Variants in TAFA4 observed in about 807,000 individuals in gnomAD.
TAFA4 encodes the protein chemokine-like protein TAFA-4.
Under a neutral mutation model 21.1 loss-of-function variants are expected in TAFA4, and 20 were observed. The observed-to-expected ratio is 0.95, with a 90% CI of 0.67 to 1.38. The LOEUF (loss-of-function observed/expected upper bound fraction) is 1.38, where lower values mean the gene tolerates loss of function less well. TAFA4 is among the 40% of genes most tolerant of loss of function. The pLI is 0.00. For synonymous variants in TAFA4, 71 were observed against 67.4 expected (o/e 1.05, Z -0.26); for missense variants, 211 against 180.9 (o/e 1.17, Z -0.95).
intron 3 of TAFA4, among the ~76,000 whole-genome samples, chr3:68,770,752 C>T (rs528082346): frequency 2.6e-5 from 4 of 152,270 alleles, no homozygotes; most frequent in Admixed American, 2.6e-4. Context: ...CCATCTCTTA[C>T]TGATACAGGA....
intron 1 of TAFA4, among the ~76,000 whole-genome samples, chr3:68,918,760 C>T (rs2090029720): frequency 6.6e-6 from 1 of 152,142 alleles, no homozygotes; most frequent in Non-Finnish European, 1.5e-5. Flanking sequence ...AGATTGGTCT[C>T]GAACTTCTGG....
chr3:68,766,593 T>C (rs1210523416), intron 3 of TAFA4, among the ~76,000 whole-genome samples: 1 of 146,634 alleles, frequency 6.8e-6, no homozygotes, highest in East Asian at 1.9e-4. Context: ...GATAAAGAGA[T>C]GAAAATTATG....
chr3:68,799,559 A>G (rs1703527000), intron 3 of TAFA4, among the ~76,000 whole-genome samples: 1 of 152,206 alleles, frequency 6.6e-6, no homozygotes, highest in South Asian at 2.1e-4. Context: ...CAAGGAGCCA[A>G]AAATGGGGAA....
rs149241915 is a variant in TAFA4, at chr3:68,842,501, C to T, written c.130+38229G>A. ...TCTCCCATTCTGTAGGTTGCCTATTCACTCTGATGATAGTTTCCTTTCCTG... is the reference window on the plus strand; with the variant it reads ...TCTCCCATTCTGTAGGTTGCCTATTTACTCTGATGATAGTTTCCTTTCCTG... On this transcript the variant is annotated intron_variant, in intron 3 of 5. Transcript: ENST00000295569. Among the ~76,000 whole-genome samples the T allele has an allele frequency of 3.8e-3, 574 of 152,272 alleles. 3 individuals are homozygous for T. The highest frequency in any genetic ancestry group is 0.013 in the African/African-American group (549 of 41,554).
chr3:68,823,518 G>A (rs977576099), intron 3 of TAFA4, among the ~76,000 whole-genome samples: 26 of 152,140 alleles, frequency 1.7e-4, no homozygotes, highest in African/African-American at 6.3e-4. Flanking sequence ...CATGTGCCCT[G>A]GTGGTTCACT....
chr3:68,827,034 C>G (rs1704255273), intron 3 of TAFA4, among the ~76,000 whole-genome samples: 1 of 143,066 alleles, frequency 7.0e-6, no homozygotes, highest in Non-Finnish European at 1.5e-5. Context: ...ATCCCTCCCC[C>G]AGCCCCCCAC....
intron 4 of TAFA4, among the ~76,000 whole-genome samples, chr3:68,741,962 A>T (rs150580756): frequency 6.6e-6 from 1 of 152,304 alleles, no homozygotes; most frequent in East Asian, 1.9e-4. Flanking sequence ...ATAAACATAC[A>T]TCAAAAATCC....
At chr3:68,856,456 T>C (rs1705071973) in intron 3 of TAFA4, among the ~76,000 whole-genome samples, 1 of 152,134 alleles carries the variant, frequency 6.6e-6, no homozygotes, top group Non-Finnish European at 1.5e-5. Flanking sequence ...TCCCAAACGC[T>C]TTACCTATTC....
intron 3 of TAFA4, among the ~76,000 whole-genome samples, chr3:68,794,012 C>T (rs1272106745): frequency 1.3e-5 from 2 of 152,220 alleles, no homozygotes; most frequent in East Asian, 3.8e-4. Context: ...TAAACATCTT[C>T]TATTCCCTGA....
intron 3 of TAFA4, among the ~76,000 whole-genome samples, chr3:68,843,449 C>T (rs1026428000): frequency 2.0e-5 from 3 of 152,168 alleles, no homozygotes; most frequent in African/African-American, 7.2e-5. Context: ...TCTAAATAGA[C>T]AATCATGTCA....
At chr3:68,804,044 TC>T (rs1224358415) in intron 3 of TAFA4, among the ~76,000 whole-genome samples, 2 of 151,940 alleles carry the variant, frequency 1.3e-5, no homozygotes, top group Non-Finnish European at 2.9e-5. Flanking sequence ...TGCCTCAGCC[TC>T]CCAAAGTGCT....
At chr3:68,792,482 G>A (rs527687946) in intron 3 of TAFA4, among the ~76,000 whole-genome samples, 8 of 152,060 alleles carry the variant, frequency 5.3e-5, no homozygotes, top group Middle Eastern at 3.4e-3. Context: ...TTAGCATGCC[G>A]CACAGTTTGC....
chr3:68,815,565 GTTCA>G (rs1703955908), intron 3 of TAFA4, among the ~76,000 whole-genome samples: 1 of 152,176 alleles, frequency 6.6e-6, no homozygotes. Context: ...ATGAAAAAAT[GTTCA>G]TTATCACTGG....
At chr3:68,839,554 A>G (rs1459993311) in intron 3 of TAFA4, among the ~76,000 whole-genome samples, 1 of 152,244 alleles carries the variant, frequency 6.6e-6, no homozygotes, top group African/African-American at 2.4e-5. Flanking sequence ...AAAAGTCAGC[A>G]TCTTCTCAAA....
chr3:68,798,976 T>C lies in TAFA4; in HGVS notation c.131-45958A>G, dbSNP rs138384419. ...AAGGAAACTGCAATCTGTTTTATTG[T>C]AGTCCTGGTTTGTTTTATGTTAAAA... is the stretch of plus-strand genomic sequence containing the variant. On this transcript the variant is annotated intron_variant, in intron 3 of 5. Transcript: ENST00000295569. 2.6e-5 allele frequency among the ~76,000 whole-genome samples: 4 copies of C among 152,328 alleles called. No homozygotes were observed. In the East Asian group the frequency reaches 7.7e-4, roughly 29 times the overall value.
intron 3 of TAFA4, among the ~76,000 whole-genome samples, chr3:68,754,252 A>C (rs946432030): frequency 2.6e-5 from 4 of 152,224 alleles, no homozygotes; most frequent in Admixed American, 1.3e-4. Context: ...AAATTTTGCC[A>C]ATGTCCCAAT....
At chr3:68,834,412 C>G (rs1704473962) in intron 3 of TAFA4, among the ~76,000 whole-genome samples, 1 of 152,116 alleles carries the variant, frequency 6.6e-6, no homozygotes, top group South Asian at 2.1e-4. Flanking sequence ...GTTGTAAACT[C>G]AGATATAGAA....
chr3:68,741,799 A>T (rs1323140267), intron 4 of TAFA4, among the ~76,000 whole-genome samples: 2 of 150,248 alleles, frequency 1.3e-5, no homozygotes, highest in East Asian at 3.9e-4. Context: ...CTCAAAAAAA[A>T]ATAAAAATAA....
chr3:68,749,562 G>A (rs138186611), intron 4 of TAFA4, among the ~76,000 whole-genome samples: 1 of 152,280 alleles, frequency 6.6e-6, no homozygotes, highest in African/African-American at 2.4e-5. Context: ...ATTCAGATAA[G>A]GAAGAGATCA....
Sources: gnomAD v4.1 joint callset for allele counts (sites outside exome capture counted in the v4.1 genomes callset) on GRCh38, gnomAD v4.1.1 for gene constraint, MANE v1.5 for transcripts, NCBI Gene and HGNC (gene_info 2026-07-23, HGNC 2026-07-21) for gene names.